Variants in TRAPPC8 observed in about 807,000 individuals in gnomAD.
TRAPPC8 encodes trafficking protein particle complex subunit 8, also known as general sporulation gene 1 homolog.
TRAPPC8 carries 54 observed loss-of-function variants against 174.3 expected under a neutral mutation model. The observed-to-expected ratio is 0.31, with a 90% CI of 0.25 to 0.39. The LOEUF is 0.39. Ranked by LOEUF, TRAPPC8 falls within the 10% of genes least tolerant of loss-of-function variation. The pLI, the probability that TRAPPC8 is intolerant of heterozygous loss-of-function variation, is 1.00. For synonymous variants in TRAPPC8, 630 were observed against 579.9 expected (o/e 1.09, Z -1.24); for missense variants, 1,531 against 1,699.1 (o/e 0.90, Z 1.74).
chr18:31,915,207 G>A (rs953272286), intron 4 of TRAPPC8, among the ~76,000 whole-genome samples: 4 of 152,180 alleles, frequency 2.6e-5, no homozygotes, highest in African/African-American at 4.8e-5. Flanking sequence ...GGTGGCTCAC[G>A]CCTGTAATCC....
chr18:31,890,882 A>G lies in TRAPPC8; in HGVS notation c.1597-16T>C. 2 of 1,586,668 alleles carry G rather than the reference A, an allele frequency of 1.3e-6. No individual in the cohort carries two copies. Among genetic ancestry groups the G allele is most frequent in the African/African-American group, 1.4e-5 (1 of 73,670 alleles). ...GATCAGAATCCTAGTGAATGTTTAAAAGAGAAAAAGGTTAGTTTCACCAAG... is the reference window on the plus strand; with the variant it reads ...GATCAGAATCCTAGTGAATGTTTAAGAGAGAAAAAGGTTAGTTTCACCAAG... On this transcript the variant is annotated splice_polypyrimidine_tract_variant and intron_variant, in intron 11 of 28. Transcript: ENST00000283351.
At chr18:31,920,381 G>C (rs983334335) in intron 2 of TRAPPC8, among the ~76,000 whole-genome samples, 2 of 152,114 alleles carry the variant, frequency 1.3e-5, no homozygotes, top group African/African-American at 4.8e-5. Context: ...ATGAACAACA[G>C]TTCATGATGG....
intron 2 of TRAPPC8, among the ~76,000 whole-genome samples, chr18:31,924,612 A>G (rs2037533341): frequency 6.7e-6 from 1 of 148,974 alleles, no homozygotes; most frequent in Non-Finnish European, 1.5e-5. Flanking sequence ...TATACAACTA[A>G]TAATACTAAT....
At chr18:31,916,844 A>G (rs2145542640) in intron 3 of TRAPPC8, among the ~76,000 whole-genome samples, 1 of 68,622 alleles carries the variant, frequency 1.5e-5, no homozygotes, top group Admixed American at 1.9e-4. Flanking sequence ...GTATTTTCAC[A>G]GCAAAAAAAA....
intron 4 of TRAPPC8, among the ~76,000 whole-genome samples, chr18:31,915,460 C>CA (rs1279387185): frequency 4.6e-4 from 45 of 96,884 alleles, no homozygotes; most frequent in Middle Eastern, 9.6e-3. Context: ...GAAACCCCAT[C>CA]AAAAAAAAAG....
intron 12 of TRAPPC8, among the ~76,000 whole-genome samples, chr18:31,889,700 T>C (rs1035271588): frequency 1.3e-5 from 2 of 152,180 alleles, no homozygotes; most frequent in Non-Finnish European, 1.5e-5. Flanking sequence ...ACGTTTAATT[T>C]TATATTAAGA....
intron 12 of TRAPPC8, among the ~76,000 whole-genome samples, 194 bp from the exon 13 acceptor site, chr18:31,874,898 T>C (rs765562186): frequency 6.6e-6 from 1 of 152,160 alleles, no homozygotes. Context: ...TAGATAAAGT[T>C]ACCTGAGCCA....
At chr18:31,880,976 G>A (rs2035421531) in intron 12 of TRAPPC8, among the ~76,000 whole-genome samples, 1 of 151,624 alleles carries the variant, frequency 6.6e-6, no homozygotes, top group South Asian at 2.1e-4. Flanking sequence ...ACAAAACACT[G>A]ATAAAAGAAA....
intron 9 of TRAPPC8, among the ~76,000 whole-genome samples, chr18:31,905,606 C>G (rs1025163880): frequency 1.3e-5 from 2 of 152,194 alleles, no homozygotes; most frequent in African/African-American, 4.8e-5. Flanking sequence ...TTTAGGTAAT[C>G]TTCCAAGGTA....
At chr18:31,941,995 T>TCAA (rs1286280778) in intron 1 of TRAPPC8, among the ~76,000 whole-genome samples, 1 of 152,224 alleles carries the variant, frequency 6.6e-6, no homozygotes, top group Non-Finnish European at 1.5e-5. Context: ...TGGGCTTGCT[T>TCAA]CCTCTTCCTT....
chr18:31,908,516 C>A, intron 7 of TRAPPC8, 98 bp from the exon 8 acceptor site: 1 of 931,652 alleles, frequency 1.1e-6, no homozygotes, highest in Non-Finnish European at 1.5e-6. Context: ...AGCAAATGTT[C>A]ATTTTAATAA....
At chr18:31,856,311 A>T (rs2034008610) in intron 20 of TRAPPC8, among the ~76,000 whole-genome samples, 1 of 151,894 alleles carries the variant, frequency 6.6e-6, no homozygotes, top group African/African-American at 2.4e-5. Flanking sequence ...CGCCATATTC[A>T]TCATCTTCAT....
intron 4 of TRAPPC8, among the ~76,000 whole-genome samples, chr18:31,914,256 T>G (rs2037042281): frequency 6.6e-6 from 1 of 151,234 alleles, no homozygotes; most frequent in African/African-American, 2.4e-5. Flanking sequence ...CAAAATGATA[T>G]TACGCACTAA....
intron 5 of TRAPPC8, among the ~76,000 whole-genome samples, chr18:31,910,988 A>T (rs2036879740): frequency 6.6e-6 from 1 of 152,224 alleles, no homozygotes; most frequent in African/African-American, 2.4e-5. Context: ...GCATTATCTT[A>T]AAGAACGTCA....
intron 19 of TRAPPC8, among the ~76,000 whole-genome samples, chr18:31,863,691 T>C (rs2034443576): frequency 6.6e-6 from 1 of 152,156 alleles, no homozygotes; most frequent in Admixed American, 6.6e-5. Flanking sequence ...GCTATCCTTG[T>C]AAACCCCCTA....
intron 2 of TRAPPC8, among the ~76,000 whole-genome samples, chr18:31,919,543 A>C (rs1267347345): frequency 3.0e-5 from 3 of 99,088 alleles, no homozygotes; most frequent in Non-Finnish European, 6.2e-5. Flanking sequence ...AAAATAAATA[A>C]ATAAATAAAT....
At chr18:31,917,703 T>C (rs1182326347) in intron 2 of TRAPPC8, 36 bp from the exon 3 acceptor site, 1 of 1,564,316 alleles carries the variant, frequency 6.4e-7, no homozygotes, top group East Asian at 2.2e-5. Context: ...TTAAAAGTAT[T>C]CAATAGAATC....
chr18:31,898,686 C>T (rs1455442625), intron 10 of TRAPPC8, among the ~76,000 whole-genome samples: 2 of 152,166 alleles, frequency 1.3e-5, no homozygotes, highest in Non-Finnish European at 2.9e-5. Flanking sequence ...GATTCCTGAT[C>T]CAATTTTAGT....
intron 11 of TRAPPC8, among the ~76,000 whole-genome samples, chr18:31,894,633 T>C (rs1568104238): frequency 6.6e-6 from 1 of 151,994 alleles, no homozygotes; most frequent in Non-Finnish European, 1.5e-5. Flanking sequence ...AGGCCTCAAT[T>C]AACATTTCAA....
Sources: allele counts gnomAD v4.1 joint callset (sites outside exome capture counted in the v4.1 genomes callset), GRCh38; gene constraint gnomAD v4.1.1; transcripts MANE v1.5; gene names NCBI Gene and HGNC (gene_info 2026-07-23, HGNC 2026-07-21).